Variants in WWOX observed in about 807,000 individuals in gnomAD.
WWOX encodes WW domain containing oxidoreductase.
A neutral mutation model predicts 46.2 loss-of-function variants in WWOX; 69 were observed. That is an observed-to-expected ratio of 1.49 (90% CI 1.23 to 1.82). The LOEUF (loss-of-function observed/expected upper bound fraction) is 1.82. WWOX is among the 40% of genes most tolerant of loss of function. WWOX has a pLI of 0.00. For synonymous variants in WWOX, 359 were observed against 202.6 expected, an observed-to-expected ratio of 1.77 and a Z score of -6.56; for missense variants, 919 against 542.6, an observed-to-expected ratio of 1.69 and a Z score of -6.89.
At chr16:78,686,715 C>A (rs1388657371) in intron 8 of WWOX, among the ~76,000 whole-genome samples, 1 of 151,996 alleles carries the variant, frequency 6.6e-6, no homozygotes, top group Non-Finnish European at 1.5e-5. Flanking sequence ...TAGGAAAGGC[C>A]CAGTAGGCAT....
At chr16:78,473,210 G>A (rs896265696) in intron 8 of WWOX, among the ~76,000 whole-genome samples, 2 of 152,118 alleles carry the variant, frequency 1.3e-5, no homozygotes, top group African/African-American at 2.4e-5. Context: ...GCTCACTGCG[G>A]CCTGCATCTC....
At chr16:78,420,794 C>A (rs899275095) in intron 6 of WWOX, among the ~76,000 whole-genome samples, 1 of 151,246 alleles carries the variant, frequency 6.6e-6, no homozygotes, top group Non-Finnish European at 1.5e-5. Flanking sequence ...CAGTAAAGTT[C>A]TTTAATAAAT....
chr16:78,453,206 C>G (rs1010660919), intron 8 of WWOX, among the ~76,000 whole-genome samples: 3 of 151,912 alleles, frequency 2.0e-5, no homozygotes, highest in African/African-American at 2.4e-5. Flanking sequence ...GGAGGATTAC[C>G]TAAGGTCAGG....
intron 8 of WWOX, among the ~76,000 whole-genome samples, chr16:78,707,199 C>T (rs968912577): frequency 2.6e-5 from 4 of 152,144 alleles, no homozygotes; most frequent in African/African-American, 9.7e-5. Flanking sequence ...TTTACCACCC[C>T]TTACTCCCAT....
At chr16:78,962,925 C>T (rs1045131222) in intron 8 of WWOX, among the ~76,000 whole-genome samples, 3 of 152,146 alleles carry the variant, frequency 2.0e-5, no homozygotes, top group South Asian at 2.1e-4. Context: ...TTCTTTTACT[C>T]CTCATTAGGT....
chr16:79,078,171 A>G (rs1210724369), intron 8 of WWOX: 2 of 152,142 alleles, frequency 1.3e-5, no homozygotes, highest in Admixed American at 1.3e-4. Flanking sequence ...GCTGCCCATA[A>G]TGTGAAGAGA....
intron 8 of WWOX, among the ~76,000 whole-genome samples, chr16:78,498,785 C>T (rs1280399682): frequency 2.0e-5 from 3 of 152,138 alleles, no homozygotes; most frequent in Non-Finnish European, 4.4e-5. Context: ...ACTATAATCT[C>T]GAACTCCTGG....
At chr16:79,027,351 C>G (rs1445720042) in intron 8 of WWOX, among the ~76,000 whole-genome samples, 1 of 149,976 alleles carries the variant, frequency 6.7e-6, no homozygotes, top group South Asian at 2.1e-4. Flanking sequence ...CAGAACTTTT[C>G]ATTGCAAAAT....
chr16:78,417,830 A>G (rs909292520), intron 6 of WWOX, among the ~76,000 whole-genome samples: 2 of 152,180 alleles, frequency 1.3e-5, no homozygotes, highest in African/African-American at 2.4e-5. Flanking sequence ...TGGGCACCCT[A>G]TGTGGAAAAC....
intron 8 of WWOX, among the ~76,000 whole-genome samples, chr16:78,964,327 C>T (rs1431538666): frequency 6.6e-6 from 1 of 152,116 alleles, no homozygotes; most frequent in Non-Finnish European, 1.5e-5. Context: ...CAATAATGTC[C>T]AGGCTGAGGT....
intron 8 of WWOX, among the ~76,000 whole-genome samples, chr16:79,022,713 G>T (rs1597289838): frequency 6.6e-6 from 1 of 152,296 alleles, no homozygotes; most frequent in Admixed American, 6.5e-5. Flanking sequence ...GCCCAAGAGG[G>T]AGGGGAGGCC....
chr16:78,271,499 G>C (rs1331857322), intron 5 of WWOX, among the ~76,000 whole-genome samples: 1 of 152,218 alleles, frequency 6.6e-6, no homozygotes, highest in Admixed American at 6.5e-5. Context: ...AACCACGAGA[G>C]CTTCACAGCT....
At chr16:78,903,714 C>G (rs1006108563) in intron 8 of WWOX, among the ~76,000 whole-genome samples, 1 of 152,160 alleles carries the variant, frequency 6.6e-6, no homozygotes, top group Non-Finnish European at 1.5e-5. Flanking sequence ...GCTCTAGGCA[C>G]GTGTCTTCTT....
intron 8 of WWOX, among the ~76,000 whole-genome samples, chr16:79,031,011 G>A (rs544828145): frequency 1.3e-5 from 2 of 151,010 alleles, no homozygotes; most frequent in Non-Finnish European, 1.5e-5. Context: ...AGAATCACCC[G>A]AGGCTGGGGA....
intron 5 of WWOX, among the ~76,000 whole-genome samples, chr16:78,207,496 CTTT>C (rs556761067): frequency 7.0e-6 from 1 of 142,344 alleles, no homozygotes; most frequent in Admixed American, 7.0e-5. Flanking sequence ...ATCTCCCTTA[CTTT>C]TTTTTTTTTT....
chr16:79,175,160 GC>G (rs532394976), intron 8 of WWOX, among the ~76,000 whole-genome samples: 101 of 152,306 alleles, frequency 6.6e-4, no homozygotes, highest in Admixed American at 2.2e-3. Context: ...GAACAACTCT[GC>G]CTTAATGGCG....
At chr16:78,668,011 G>T (rs894642283) in intron 8 of WWOX, among the ~76,000 whole-genome samples, 3 of 152,108 alleles carry the variant, frequency 2.0e-5, no homozygotes, top group Non-Finnish European at 2.9e-5. Flanking sequence ...GGGTGCGGTG[G>T]CTCACACCTG....
Position 79,026,996 on chromosome 16 carries a change from G to C in WWOX, c.1057-184612G>C, listed in dbSNP as rs534981431. On this transcript the variant is annotated intron_variant, in intron 8 of 8. Transcript: ENST00000566780. ...TAAATAAAGAAAAGTTAACACAGTG[G>C]AGTCCAGGTACAGTGGCTCATGCCT... Among the ~76,000 whole-genome samples the C allele has an allele frequency of 8.8e-4, 133 of 151,494 alleles. 1 individual carries two copies. Among genetic ancestry groups the C allele is most frequent in the Non-Finnish European group, 1.6e-3 (111 of 67,962 alleles).
chr16:79,149,470 A>G (rs2050237849), intron 8 of WWOX, among the ~76,000 whole-genome samples: 1 of 152,172 alleles, frequency 6.6e-6, no homozygotes, highest in South Asian at 2.1e-4. Flanking sequence ...TTATTCAGAA[A>G]ACATCCGTCT....
Sources: allele counts gnomAD v4.1 joint callset (sites outside exome capture counted in the v4.1 genomes callset), GRCh38; gene constraint gnomAD v4.1.1; transcripts MANE v1.5; gene names NCBI Gene and HGNC (gene_info 2026-07-23, HGNC 2026-07-21).